ASB15: variants seen among roughly 807,000 people sequenced by gnomAD.
ASB15 encodes the protein ankyrin repeat and SOCS box protein 15.
ASB15 carries 54 observed loss-of-function variants against 58.0 expected under a neutral mutation model. The observed-to-expected ratio is 0.93, with a 90% CI of 0.75 to 1.17. The LOEUF (loss-of-function observed/expected upper bound fraction) is 1.17, where lower values mean the gene tolerates loss of function less well. Ranked by LOEUF, ASB15 falls within the 50% of genes most tolerant of loss-of-function variation. The pLI, the probability that ASB15 is intolerant of heterozygous loss-of-function variation, is 0.00. For synonymous variants in ASB15, 249 were observed against 262.4 expected (o/e 0.95, Z 0.50); for missense variants, 680 against 707.4 (o/e 0.96, Z 0.44).
rs181394592 is a variant in ASB15, at chr7:123,635,765, C to T, written c.1595-1044C>T. Among the ~76,000 whole-genome samples, 41 of 151,254 alleles carry T rather than the reference C, an allele frequency of 2.7e-4. No individual in the cohort carries two copies. In the East Asian group the frequency reaches 5.8e-3, roughly 21 times the overall value. On this transcript the variant is annotated intron_variant, in intron 11 of 11. Coordinates refer to ENST00000451215, the MANE Select transcript of ASB15 (RefSeq NM_001290258.2). ...TTAACCACTGGATGTCAGGAGTCCT[C>T]CAGCTATCTGTAAGGCAGCATATTG...
Position 123,637,432 on chromosome 7 carries a change from T to A in ASB15, c.*451T>A, listed in dbSNP as rs975267643. 6.5e-6 allele frequency: 1 copy of A among 153,874 alleles called. No homozygotes were observed. The highest frequency in any genetic ancestry group is 1.9e-4 in the East Asian group (1 of 5,204). The allele number at this position is 153,874 out of a possible 1,614,324, so 9.5% of individuals were successfully genotyped here. A position where few individuals can be genotyped will look rare whatever the true frequency, so the allele number is the denominator to read the frequency against. On this transcript the variant is annotated 3_prime_UTR_variant, in exon 12 of 12. Coordinates refer to ENST00000451215, the MANE Select transcript of ASB15 (RefSeq NM_001290258.2). The stretch of plus-strand genomic sequence containing the variant: ...CTGCTTTTCTCAAGGTCCCTGACAA[T>A]CTCTTTGTTGGTAAATTCAGTGAAC...
chr7:123,621,150 T>C (rs927306799), intron 7 of ASB15, among the ~76,000 whole-genome samples: 10 of 152,220 alleles, frequency 6.6e-5, no homozygotes, highest in Non-Finnish European at 1.3e-4. Context: ...AACATTTACA[T>C]GCATTTCAAA....
chr7:123,612,354 T>C (rs1189202483), intron 3 of ASB15: 1 of 152,222 alleles, frequency 6.6e-6, no homozygotes, highest in African/African-American at 2.4e-5. Flanking sequence ...GAAGAGATTT[T>C]GTTTCCTCTC....
chr7:123,604,424 A>G (rs950656659), intron 2 of ASB15, among the ~76,000 whole-genome samples: 1 of 151,982 alleles, frequency 6.6e-6, no homozygotes, highest in African/African-American at 2.4e-5. Context: ...TCTAATAAAA[A>G]TACAAAAATT....
chr7:123,600,612 TG>T (rs1431034405), upstream of ASB15, among the ~76,000 whole-genome samples: 2 of 152,226 alleles, frequency 1.3e-5, no homozygotes, highest in African/African-American at 4.8e-5. Context: ...ATGTAGACAA[TG>T]TATGCAATGA....
intron 8 of ASB15, among the ~76,000 whole-genome samples, chr7:123,626,293 C>G (rs989136471): frequency 1.3e-5 from 2 of 152,220 alleles, no homozygotes; most frequent in Middle Eastern, 3.4e-3. Flanking sequence ...TACTTAAGGC[C>G]TAGAGTTCAA....
At chr7:123,598,629 C>T (rs1799776445), upstream of ASB15, among the ~76,000 whole-genome samples, 1 of 152,158 alleles carries the variant, frequency 6.6e-6, no homozygotes. Context: ...CAGTGTTCAA[C>T]AAAATATTCA....
At chr7:123,622,919 T>C (rs1315560666) in intron 7 of ASB15, 5 of 152,174 alleles carry the variant, frequency 3.3e-5, no homozygotes, top group Non-Finnish European at 5.9e-5. Context: ...CCAAATGAAG[T>C]AGGCAAAGTT....
intron 2 of ASB15, among the ~76,000 whole-genome samples, chr7:123,606,199 G>A (rs555300963): frequency 3.5e-4 from 53 of 152,228 alleles, no homozygotes; most frequent in Admixed American, 1.4e-3. Flanking sequence ...TTGATTTCAT[G>A]CAGACAGACA....
At chr7:123,589,312 T>TATTATTATTATTATC (rs1799463633) in intron 1 of ASB15, among the ~76,000 whole-genome samples, 2 of 149,842 alleles carry the variant, frequency 1.3e-5, no homozygotes, top group Admixed American at 6.7e-5. Context: ...TTATTATTAT[T>TATTATTATTATTATC]ATTATTATTA....
At chr7:123,570,161 A>G (rs1798870126) in intron 1 of ASB15, among the ~76,000 whole-genome samples, 1 of 151,012 alleles carries the variant, frequency 6.6e-6, no homozygotes, top group African/African-American at 2.4e-5. Flanking sequence ...CAGCCTCCCA[A>G]GTAGCTGGGA....
intron 1 of ASB15, among the ~76,000 whole-genome samples, chr7:123,587,696 T>C (rs1277121107): frequency 6.6e-6 from 1 of 151,762 alleles, no homozygotes; most frequent in Non-Finnish European, 1.5e-5. Context: ...CTTTATTGTG[T>C]TGAGGTACAT....
intron 11 of ASB15, among the ~76,000 whole-genome samples, chr7:123,635,606 T>G (rs1207821831): frequency 1.2e-5 from 1 of 81,370 alleles, no homozygotes; most frequent in Non-Finnish European, 2.6e-5. Context: ...TTTTTTTTTT[T>G]GCAAAATACT....
intron 1 of ASB15, among the ~76,000 whole-genome samples, chr7:123,583,206 T>A (rs570354916): frequency 3.3e-5 from 5 of 151,964 alleles, no homozygotes; most frequent in Admixed American, 3.3e-4. Flanking sequence ...GCTGGGGCAA[T>A]TATAACAACA....
intron 2 of ASB15, among the ~76,000 whole-genome samples, chr7:123,605,609 G>T (rs1417891958): frequency 6.6e-6 from 1 of 152,158 alleles, no homozygotes; most frequent in Non-Finnish European, 1.5e-5. Flanking sequence ...CACAATGACA[G>T]TAGACTGGAT....
intron 9 of ASB15, among the ~76,000 whole-genome samples, chr7:123,627,743 T>G (rs990047561): frequency 6.6e-6 from 1 of 152,256 alleles, no homozygotes; most frequent in East Asian, 1.9e-4. Flanking sequence ...AGTTTCATTA[T>G]AAGTTTATAA....
intron 7 of ASB15, among the ~76,000 whole-genome samples, chr7:123,621,703 C>T (rs1801337819): frequency 6.6e-6 from 1 of 152,190 alleles, no homozygotes; most frequent in African/African-American, 2.4e-5. Flanking sequence ...TCCCTATCAG[C>T]CATCTGGCCC....
intron 4 of ASB15, chr7:123,615,197 A>T (rs1800723088): frequency 6.6e-6 from 1 of 152,382 alleles, no homozygotes; most frequent in Non-Finnish European, 1.5e-5. Flanking sequence ...AAATTAAAAT[A>T]TACCTAAAAG....
chr7:123,597,934 G>A (rs1026297588), upstream of ASB15, among the ~76,000 whole-genome samples: 12 of 151,382 alleles, frequency 7.9e-5, no homozygotes, highest in Admixed American at 2.6e-4. Context: ...GTGTGTGTGT[G>A]TGTGTGTGTG....
Sources: gnomAD v4.1 joint callset for allele counts (sites outside exome capture counted in the v4.1 genomes callset) on GRCh38, gnomAD v4.1.1 for gene constraint, MANE v1.5 for transcripts, NCBI Gene and HGNC (gene_info 2026-07-23, HGNC 2026-07-21) for gene names.